XRCC4: variants seen among roughly 807,000 people sequenced by gnomAD.
XRCC4 encodes DNA repair protein XRCC4.
XRCC4 carries 28 observed loss-of-function variants against 39.1 expected under a neutral mutation model. The ratio of observed to expected loss-of-function variants is 0.72; its 90% CI spans 0.53 to 0.98. The LOEUF (loss-of-function observed/expected upper bound fraction) is 0.98. Among genes scored for constraint, XRCC4 ranks in the 50% least tolerant of loss-of-function variants. XRCC4 has a pLI of 0.00. For missense variants in XRCC4, 350 were observed against 376.4 expected, an observed-to-expected ratio of 0.93 and a Z score of 0.58; for synonymous variants, 123 against 126.4, an observed-to-expected ratio of 0.97 and a Z score of 0.18.
intron 7 of XRCC4, among the ~76,000 whole-genome samples, chr5:83,339,229 A>G (rs1219050592): frequency 1.3e-5 from 2 of 152,210 alleles, no homozygotes; most frequent in African/African-American, 4.8e-5. Context: ...GATTATTTCC[A>G]TCTGACTTCT....
At chr5:83,225,901 T>A (rs1307149725) in intron 6 of XRCC4, among the ~76,000 whole-genome samples, 1 of 152,002 alleles carries the variant, frequency 6.6e-6, no homozygotes, top group East Asian at 1.9e-4. Flanking sequence ...ACCTCTTTTT[T>A]CTTTGGTCAA....
intron 6 of XRCC4, among the ~76,000 whole-genome samples, chr5:83,253,807 C>T (rs1753420412): frequency 6.6e-6 from 1 of 152,132 alleles, no homozygotes; most frequent in Non-Finnish European, 1.5e-5. Context: ...GGCAGCTTAG[C>T]CAACAGTGTC....
intron 1 of XRCC4, among the ~76,000 whole-genome samples, chr5:83,082,156 A>G (rs1437153191): frequency 6.6e-6 from 1 of 152,118 alleles, no homozygotes; most frequent in Non-Finnish European, 1.5e-5. Context: ...GATTATAGTA[A>G]TTGTGTTCTG....
At chr5:83,349,411 T>C (rs187742622) in intron 7 of XRCC4, among the ~76,000 whole-genome samples, 2 of 152,308 alleles carry the variant, frequency 1.3e-5, no homozygotes, top group Admixed American at 1.3e-4. Context: ...ATAATAAAAC[T>C]TTTTTAAGAG....
At chr5:83,175,271 T>C (rs4616871) in intron 3 of XRCC4, among the ~76,000 whole-genome samples, 71,317 of 151,608 alleles carry the variant, frequency 0.47, 17,323 homozygotes, top group African/African-American at 0.57. Flanking sequence ...GTAGAATACA[T>C]TATGGTATAA....
intron 7 of XRCC4, among the ~76,000 whole-genome samples, chr5:83,344,475 G>A (rs1364609619): frequency 7.8e-6 from 1 of 128,962 alleles, no homozygotes; most frequent in African/African-American, 3.1e-5. Flanking sequence ...CCAGTAATAT[G>A]GTCTCATACT....
chr5:83,237,414 A>G (rs1342465159), intron 6 of XRCC4, among the ~76,000 whole-genome samples: 1 of 152,164 alleles, frequency 6.6e-6, no homozygotes, highest in Non-Finnish European at 1.5e-5. Flanking sequence ...TTGCAACAGC[A>G]TGAATGGAAC....
chr5:83,091,373 A>G (rs1369723075), intron 1 of XRCC4, among the ~76,000 whole-genome samples: 1 of 152,118 alleles, frequency 6.6e-6, no homozygotes, highest in African/African-American at 2.4e-5. Context: ...TCTTGTGATA[A>G]CTCACTCCAC....
At chr5:83,229,546 A>T (rs1279128435) in intron 6 of XRCC4, among the ~76,000 whole-genome samples, 1 of 151,842 alleles carries the variant, frequency 6.6e-6, no homozygotes, top group East Asian at 1.9e-4. Context: ...TTGGGGGGAA[A>T]AAAAGGTTAA....
At chr5:83,254,814 C>T (rs770303340) in intron 6 of XRCC4, among the ~76,000 whole-genome samples, 9 of 152,062 alleles carry the variant, frequency 5.9e-5, no homozygotes, top group African/African-American at 1.9e-4. Flanking sequence ...AGACCAGGCG[C>T]GGTGGCTCAC....
intron 7 of XRCC4, among the ~76,000 whole-genome samples, chr5:83,326,065 T>A (rs1033495225): frequency 6.6e-6 from 1 of 152,074 alleles, no homozygotes; most frequent in African/African-American, 2.4e-5. Context: ...GAGAAGTATC[T>A]GCTCATGTCC....
At chr5:83,308,239 C>T (rs575691599) in intron 7 of XRCC4, among the ~76,000 whole-genome samples, 1 of 152,222 alleles carries the variant, frequency 6.6e-6, no homozygotes, top group East Asian at 1.9e-4. Context: ...AGTCATATTA[C>T]TAAGAAAGTA....
chr5:83,096,588 G>A (rs1745689955), intron 1 of XRCC4, among the ~76,000 whole-genome samples: 2 of 152,084 alleles, frequency 1.3e-5, no homozygotes, highest in African/African-American at 4.8e-5. Context: ...GGCTCCACTT[G>A]GGTTTTACAG....
intron 3 of XRCC4, among the ~76,000 whole-genome samples, chr5:83,167,550 C>T (rs996688132): frequency 1.3e-5 from 2 of 152,098 alleles, no homozygotes; most frequent in African/African-American, 4.8e-5. Context: ...GTCATTTGGT[C>T]TATACATAAA....
At chr5:83,368,526 C>CT in the XRCC4 span, among the ~76,000 whole-genome samples, 5 of 152,150 alleles carry the variant, frequency 3.3e-5, no homozygotes, top group African/African-American at 9.7e-5. Context: ...AGAACAACTG[C>CT]TTTTTTGTAA....
chr5:83,191,752 G>A lies in XRCC4; in HGVS notation c.316-4018G>A, dbSNP rs115190965. ...CCCTGCATAAGCTCTGTTTTTGCCT[G>A]CTGTCATCCGTGTAAGATGTGACTT... is the stretch of plus-strand genomic sequence containing the variant. On this transcript the variant is annotated intron_variant, in intron 3 of 7. Coordinates refer to ENST00000396027, the MANE Select transcript of XRCC4 (RefSeq NM_003401.5). Among the ~76,000 whole-genome samples, 548 of 152,234 alleles carry A rather than the reference G, an allele frequency of 3.6e-3. 3 individuals carry two copies. Among genetic ancestry groups the A allele is most frequent in the Non-Finnish European group, 3.9e-3 (267 of 68,016 alleles).
intron 1 of XRCC4, among the ~76,000 whole-genome samples, chr5:83,087,905 G>C (rs1745254725): frequency 6.6e-6 from 1 of 152,078 alleles, no homozygotes; most frequent in Non-Finnish European, 1.5e-5. Context: ...GGGCAGTCTT[G>C]TACCTTGGCC....
intron 6 of XRCC4, among the ~76,000 whole-genome samples, chr5:83,254,552 A>G (rs551476627): frequency 6.6e-6 from 1 of 152,178 alleles, no homozygotes; most frequent in South Asian, 2.1e-4. Context: ...TTGCACTCAA[A>G]TATATATATA....
intron 6 of XRCC4, among the ~76,000 whole-genome samples, chr5:83,217,356 C>G (rs1751900425): frequency 1.5e-5 from 1 of 66,974 alleles, no homozygotes; most frequent in African/African-American, 8.9e-5. Context: ...AAGACTCCGT[C>G]TCAAAAAAAA....
Sources: allele counts gnomAD v4.1 joint callset (sites outside exome capture counted in the v4.1 genomes callset), GRCh38; gene constraint gnomAD v4.1.1; transcripts MANE v1.5; gene names NCBI Gene and HGNC (gene_info 2026-07-23, HGNC 2026-07-21).